Variants in CRHR1 observed in about 807,000 individuals in gnomAD.
CRHR1 encodes the protein corticotropin releasing hormone receptor 1.
CRHR1 carries 28 observed loss-of-function variants against 56.0 expected under a neutral mutation model. The ratio of observed to expected loss-of-function variants is 0.50; its 90% confidence interval spans 0.37 to 0.69. The LOEUF (loss-of-function observed/expected upper bound fraction) is 0.69. Ranked by LOEUF, CRHR1 falls within the 30% of genes least tolerant of loss-of-function variation. The probability of loss-of-function intolerance (pLI) is 0.00; values close to 1 mark genes in which losing one functional copy is unlikely to be tolerated. For synonymous variants in CRHR1, 195 were observed against 216.5 expected, an observed-to-expected ratio of 0.90 and a Z score of 0.87; for missense variants, 376 against 548.0, an observed-to-expected ratio of 0.69 and a Z score of 3.13.
intron 2 of CRHR1, among the ~76,000 whole-genome samples, chr17:45,815,057 G>A (rs1160949080): frequency 2.0e-5 from 3 of 152,238 alleles, no homozygotes; most frequent in Non-Finnish European, 4.4e-5. Context: ...CTGAGAGACT[G>A]GGGACAAGCT....
chr17:45,812,519 T>G (rs191430665), intron 2 of CRHR1, among the ~76,000 whole-genome samples: 68 of 152,224 alleles, frequency 4.5e-4, no homozygotes, highest in Non-Finnish European at 4.4e-5. Context: ...AGGTCAGGCT[T>G]TTGTGGCACT....
intron 1 of CRHR1, among the ~76,000 whole-genome samples, chr17:45,794,225 C>T (rs886539112): frequency 2.0e-5 from 3 of 152,240 alleles, no homozygotes; most frequent in African/African-American, 4.8e-5. Context: ...CCCTGTTTGA[C>T]GAGATGAGTC....
At chr17:45,815,457 G>T (rs2061908490) in intron 2 of CRHR1, among the ~76,000 whole-genome samples, 1 of 152,272 alleles carries the variant, frequency 6.6e-6, no homozygotes, top group Non-Finnish European at 1.5e-5. Context: ...GCAAATATTT[G>T]GAAGGGGACT....
chr17:45,806,487 G>T (rs58596400), intron 1 of CRHR1, among the ~76,000 whole-genome samples: 1 of 152,220 alleles, frequency 6.6e-6, no homozygotes. Flanking sequence ...CGGATAATTA[G>T]GCAGGCGGGG....
chr17:45,790,074 C>T (rs894119815), intron 1 of CRHR1, among the ~76,000 whole-genome samples: 5 of 152,212 alleles, frequency 3.3e-5, no homozygotes, highest in Middle Eastern at 3.4e-3. Flanking sequence ...GGGTATTTGG[C>T]GTATAGAATC....
intron 2 of CRHR1, among the ~76,000 whole-genome samples, chr17:45,809,735 C>T (rs573246985): frequency 2.6e-5 from 4 of 152,230 alleles, no homozygotes; most frequent in Non-Finnish European, 4.4e-5. Context: ...CGGCTGGCAC[C>T]GAGCCAGGGC....
chr17:45,792,435 A>T (rs543517937), intron 1 of CRHR1, among the ~76,000 whole-genome samples: 7 of 152,188 alleles, frequency 4.6e-5, no homozygotes, highest in Non-Finnish European at 8.8e-5. Context: ...TCTAGAGGGG[A>T]AAGAACCTGA....
chr17:45,813,341 A>T (rs1433315942), intron 2 of CRHR1, among the ~76,000 whole-genome samples: 1 of 139,442 alleles, frequency 7.2e-6, no homozygotes, highest in Admixed American at 7.1e-5. Flanking sequence ...ACCCAGCAGG[A>T]GTGCTGACCT....
rs73313117 is a variant in CRHR1, at chr17:45,812,849, G to A, written c.122-3614G>A. Among the ~76,000 whole-genome samples the A allele has an allele frequency of 5.4e-3, 815 of 152,172 alleles. 14 individuals carry two copies. The highest frequency in any genetic ancestry group is 0.019 in the African/African-American group (783 of 41,508). On this transcript the variant is annotated intron_variant, in intron 2 of 12. Transcript: ENST00000314537. ...CTGTTTTCTCCTCCTCATTGTAGTC[G>A]GGTGGCTTAAGTGAGTGGCATGAAT... is the stretch of plus-strand genomic sequence containing the variant.
intron 1 of CRHR1, among the ~76,000 whole-genome samples, chr17:45,785,717 C>G (rs1323619741): frequency 6.6e-6 from 1 of 152,212 alleles, no homozygotes; most frequent in East Asian, 1.9e-4. Flanking sequence ...TACCGGCTTA[C>G]CAAGTGGTTT....
At chr17:45,790,497 G>A (rs986914606) in intron 1 of CRHR1, among the ~76,000 whole-genome samples, 92 of 152,340 alleles carry the variant, frequency 6.0e-4, no homozygotes, top group African/African-American at 2.0e-3. Context: ...CCACCCAGCA[G>A]CCATAAAACT....
chr17:45,827,654 T>A (rs1485527473), intron 4 of CRHR1: 1 of 152,254 alleles, frequency 6.6e-6, no homozygotes, highest in East Asian at 1.9e-4. Flanking sequence ...TGTAATTACC[T>A]GCCATGTTCC....
intron 4 of CRHR1, among the ~76,000 whole-genome samples, chr17:45,828,816 G>C (rs1193071294): frequency 6.6e-6 from 1 of 152,230 alleles, no homozygotes; most frequent in East Asian, 1.9e-4. Flanking sequence ...GAGAAATCCC[G>C]GGAGTTTGGT....
chr17:45,832,412 T>G (rs1420701286), intron 8 of CRHR1, among the ~76,000 whole-genome samples: 1 of 152,170 alleles, frequency 6.6e-6, no homozygotes, highest in Non-Finnish European at 1.5e-5. Context: ...CCTCAGAAGC[T>G]GTGTGTGGCC....
Position 45,831,112 on chromosome 17 carries a change from G to A in CRHR1, c.770+172G>A, listed in dbSNP as rs569012452. ...ACTCATTCAGAGGGTCCCTGCCTGT[G>A]CTCTGCCTGGGTGGGGCTGGACAAG... is the stretch of plus-strand genomic sequence containing the variant. On this transcript the variant is annotated intron_variant, in intron 8 of 12. Transcript: ENST00000314537. 4.4e-5 allele frequency among the ~76,000 whole-genome samples: 5 copies of A among 112,904 alleles called. No homozygotes were observed. The Admixed American group carries it at 4.8e-4, about 11-fold the overall frequency. The allele number at this position is 112,904 out of a possible 152,430, so 74.1% of individuals were successfully genotyped here.
chr17:45,819,263 G>A (rs1052428767), intron 3 of CRHR1, among the ~76,000 whole-genome samples: 1 of 152,244 alleles, frequency 6.6e-6, no homozygotes, highest in African/African-American at 2.4e-5. Context: ...AACTCTTGAT[G>A]TAGGAGCTGC....
intron 1 of CRHR1, among the ~76,000 whole-genome samples, chr17:45,793,435 G>A (rs1288877563): frequency 6.6e-6 from 1 of 152,182 alleles, no homozygotes; most frequent in Non-Finnish European, 1.5e-5. Flanking sequence ...GACTGGGGAG[G>A]CGGCCTAGGT....
At position 45,830,623 on chromosome 17, in the gene CRHR1, C is replaced by G. The variant is rs529332664; in HGVS notation, c.709+53C>G. 218 of 1,559,090 alleles carry G rather than the reference C, an allele frequency of 1.4e-4. 1 individual carries two copies. The East Asian group carries it at 4.8e-3, about 34-fold the overall frequency. On this transcript the variant is annotated intron_variant, in intron 7 of 12. Coordinates refer to ENST00000314537, the MANE Select transcript of CRHR1 (RefSeq NM_004382.5). ...TGGGCAGTGGCGGCCGCCGGGCTGCCCTCTCCTCCAGACTCAGGCCAGCGG... is the reference window on the plus strand; with the variant it reads ...TGGGCAGTGGCGGCCGCCGGGCTGCGCTCTCCTCCAGACTCAGGCCAGCGG...
Position 45,829,167 on chromosome 17 carries a change from G to A in CRHR1, c.328-48G>A, listed in dbSNP as rs192899097. ...CCCTAGGCGATGTCCTCACAGAGCA[G>A]CTCCCATCCAGCAGAAGGCTCACCT... On this transcript the variant is annotated intron_variant, in intron 4 of 12. Transcript: ENST00000314537. 882 of 1,455,636 alleles carry A rather than the reference G, an allele frequency of 6.1e-4. 2 individuals carry two copies. The highest frequency in any genetic ancestry group is 7.5e-4 in the Non-Finnish European group (777 of 1,042,352). The allele number at this position is 1,455,636 out of a possible 1,614,324, so 90.2% of individuals were successfully genotyped here.
Sources: gnomAD v4.1 joint callset for allele counts (sites outside exome capture counted in the v4.1 genomes callset) on GRCh38, gnomAD v4.1.1 for gene constraint, MANE v1.5 for transcripts, NCBI Gene and HGNC (gene_info 2026-07-23, HGNC 2026-07-21) for gene names.